Variants in MORC4 observed in about 807,000 individuals in gnomAD.
The protein encoded by MORC4 is MORC family CW-type zinc finger 4.
In MORC4, 22 loss-of-function variants were observed where a neutral mutation model predicts 65.5. The ratio of observed to expected loss-of-function variants is 0.34; its 90% confidence interval spans 0.24 to 0.48. The LOEUF (loss-of-function observed/expected upper bound fraction) is 0.48. Ranked by LOEUF, MORC4 falls within the 20% of genes least tolerant of loss-of-function variation. The probability of loss-of-function intolerance (pLI) is 0.99; values close to 1 mark genes in which losing one functional copy is unlikely to be tolerated. For synonymous variants in MORC4, 267 were observed against 255.8 expected (o/e 1.04, Z -0.42); for missense variants, 624 against 703.0 (o/e 0.89, Z 1.27).
chrX:106,984,596 G>A (rs1372232420), intron 5 of MORC4, among the ~76,000 whole-genome samples: 2 of 102,048 alleles, frequency 2.0e-5, no homozygotes, highest in Non-Finnish European at 3.9e-5. Flanking sequence ...AGCCTCCCAA[G>A]TAGCTGGGAC....
In MORC4 at chrX:106,940,785, T is replaced by G. The variant is rs1279958118; in HGVS notation, c.*694A>C. On this transcript the variant is annotated 3_prime_UTR_variant, in exon 17 of 17. Transcript: ENST00000355610. ...TTTTCCAATGTAAGAATAACAAGTTTAATATTGAAAATCTGAAAAAGGCAG... is the reference window on the plus strand; with the variant it reads ...TTTTCCAATGTAAGAATAACAAGTTGAATATTGAAAATCTGAAAAAGGCAG... The G allele has an allele frequency of 3.6e-5, 4 of 112,416 alleles. No homozygotes were observed. Among genetic ancestry groups the G allele is most frequent in the African/African-American group, 1.3e-4 (4 of 30,885 alleles). 9.3% of individuals were successfully genotyped at this position (112,416 alleles called of 1,213,427 possible).
chrX:106,959,445 C>T (rs1934183424), intron 10 of MORC4, among the ~76,000 whole-genome samples: 1 of 111,935 alleles, frequency 8.9e-6, no homozygotes, highest in South Asian at 3.8e-4. Flanking sequence ...TTCTTTTATA[C>T]TAGATATTTC....
rs770257615 is a variant in MORC4 at position 106,993,354 on chromosome X, C to T, written c.184G>A (p.Val62Ile). 5.8e-6 allele frequency: 7 copies of T among 1,205,880 alleles called. No homozygotes were observed. The highest frequency in any genetic ancestry group is 2.2e-5 in the Admixed American group (1 of 45,098). Reference protein sequence around the residue: ...SAIAELLDNAVDPDVSARTVF... With the variant: ...SAIAELLDNAIDPDVSARTVF... ...GTCCTGGCAGATACATCTGGATCTA[C>T]AGCATTATCTGCAAAAGGTAGAAAT... The change falls in exon 3 of 17, where the codon GTA becomes ATA. Residue 62 changes from valine to isoleucine, a missense_variant. Transcript: ENST00000355610.
At chrX:106,991,546 G>T (rs775024815) in intron 3 of MORC4, among the ~76,000 whole-genome samples, 1 of 111,999 alleles carries the variant, frequency 8.9e-6, no homozygotes, top group Non-Finnish European at 1.9e-5. Context: ...CAGATGTGCT[G>T]GGCCCACTAC....
At chrX:106,961,521 G>A (rs1934243462) in intron 10 of MORC4, among the ~76,000 whole-genome samples, 2 of 111,974 alleles carry the variant, frequency 1.8e-5, no homozygotes, top group Admixed American at 9.4e-5. Context: ...TTCCTGGGTC[G>A]AGTGGGGACT....
intron 14 of MORC4, among the ~76,000 whole-genome samples, chrX:106,944,762 T>C (rs1933782776): frequency 9.0e-6 from 1 of 111,701 alleles, no homozygotes. Flanking sequence ...CTATGTTTCC[T>C]ATTTGTGTTA....
chrX:106,947,185 T>C (rs1933850001), intron 14 of MORC4, among the ~76,000 whole-genome samples: 1 of 110,913 alleles, frequency 9.0e-6, no homozygotes, highest in Non-Finnish European at 1.9e-5. Context: ...AATTTAATTA[T>C]ATTGCGATTG....
At chrX:106,943,296 T>A (rs1253738875) in intron 14 of MORC4, 91 bp from the exon 15 acceptor site, 9 of 671,987 alleles carry the variant, frequency 1.3e-5, no homozygotes, top group Non-Finnish European at 2.0e-5. Flanking sequence ...CTTCCCATAT[T>A]CAGACTGACT....
At chrX:106,957,493 T>C (rs758949476) in intron 11 of MORC4, among the ~76,000 whole-genome samples, 5 of 111,580 alleles carry the variant, frequency 4.5e-5, no homozygotes, top group African/African-American at 1.6e-4. Context: ...ATTTTAGACA[T>C]TTTTCCCCTA....
chrX:106,995,437 C>T (rs1376372132), intron 2 of MORC4, among the ~76,000 whole-genome samples: 1 of 111,831 alleles, frequency 8.9e-6, no homozygotes, highest in East Asian at 2.8e-4. Flanking sequence ...GTGTTTGCAT[C>T]CTGGATCTGC....
Position 106,954,356 on chromosome X carries a change from G to T in MORC4, c.1685+557C>A, listed in dbSNP as rs992020577. On this transcript the variant is annotated intron_variant, in intron 14 of 16. Transcript: ENST00000355610. ...CAGTTATGCTTCTTCTTGTTATGAA[G>T]ACACAAAATAACACTGATGAGGTGC... Among the ~76,000 whole-genome samples the T allele has an allele frequency of 3.6e-5, 4 of 112,377 alleles. No individual in the cohort carries two copies. In the Admixed American group the frequency reaches 3.8e-4, roughly 11 times the overall value.
intron 9 of MORC4, among the ~76,000 whole-genome samples, chrX:106,976,331 C>A (rs1934624772): frequency 8.9e-6 from 1 of 111,963 alleles, no homozygotes; most frequent in African/African-American, 3.2e-5. Flanking sequence ...CCCCAGAAAT[C>A]TTTTACCAAA....
At position 106,942,583 on chromosome X, in the gene MORC4, C is replaced by T. The variant is rs766534510; in HGVS notation, c.2308G>A (p.Glu770Lys). The T allele has an allele frequency of 4.1e-6, 5 of 1,209,407 alleles. No individual in the cohort carries two copies. The East Asian group carries it at 1.5e-4, about 36-fold the overall frequency. Residue 770 changes from glutamate to lysine, a missense_variant, in exon 15 of 17, where the codon GAA becomes AAA. Transcript: ENST00000355610. ...TTTTCTGTGGTTCTCTTCAATTCTT[C>T]CAGCTCTCTCTGGTTCTTCAACTTT... ...TPKLKNQREL[E>K]ELKRTTEKLE...
intron 2 of MORC4, among the ~76,000 whole-genome samples, chrX:106,998,170 T>C (rs1303131558): frequency 8.9e-6 from 1 of 112,212 alleles, no homozygotes. Context: ...AATGAAAGCT[T>C]TGGATTGCCA....
intron 11 of MORC4, among the ~76,000 whole-genome samples, chrX:106,957,385 C>G (rs1602482502): frequency 8.9e-6 from 1 of 111,837 alleles, no homozygotes; most frequent in East Asian, 2.8e-4. Flanking sequence ...ATTACACAAT[C>G]TCATTTACTC....
Position 106,987,008 on chromosome X carries a change from A to G in MORC4, c.309-808T>C, listed in dbSNP as rs920099582. ...CAAAATAACAGAACTTTAAAAATTAAAAATAAAATGATTATATATCTTCCC... is the reference window on the plus strand; with the variant it reads ...CAAAATAACAGAACTTTAAAAATTAGAAATAAAATGATTATATATCTTCCC... On this transcript the variant is annotated intron_variant, in intron 3 of 16. Coordinates refer to ENST00000355610, the MANE Select transcript of MORC4 (RefSeq NM_024657.5). 1.2e-4 allele frequency among the ~76,000 whole-genome samples: 13 copies of G among 111,973 alleles called. No homozygotes were observed. In the East Asian group the frequency reaches 2.8e-3, roughly 24 times the overall value.
chrX:106,953,608 T>C (rs1456609667), intron 14 of MORC4, among the ~76,000 whole-genome samples: 1 of 111,504 alleles, frequency 9.0e-6, no homozygotes. Flanking sequence ...GATTCAACCA[T>C]TACTTATTGA....
At chrX:106,957,590 T>C (rs1162680580) in intron 11 of MORC4, among the ~76,000 whole-genome samples, 1 of 112,017 alleles carries the variant, frequency 8.9e-6, no homozygotes. Context: ...TGAAGCACAC[T>C]GACTTATTAT....
At position 106,991,228 on chromosome X, in the gene MORC4, G is replaced by A. The variant is rs182895729; in HGVS notation, c.308+2002C>T. 1.3e-3 allele frequency among the ~76,000 whole-genome samples: 146 copies of A among 111,537 alleles called. 1 individual carries two copies. Among genetic ancestry groups the A allele is most frequent in the African/African-American group, 4.0e-3 (122 of 30,693 alleles). ...AGACTAGATTAGATCCCTGTTATAC[G>A]TTCTCAAAGAAACTGTGCTCTACCT... On this transcript the variant is annotated intron_variant, in intron 3 of 16. Transcript: ENST00000355610.
Sources: allele counts gnomAD v4.1 joint callset (sites outside exome capture counted in the v4.1 genomes callset), GRCh38; gene constraint gnomAD v4.1.1; transcripts MANE v1.5; gene names NCBI Gene and HGNC (gene_info 2026-07-23, HGNC 2026-07-21).